DAB2IP: variants seen among roughly 807,000 people sequenced by gnomAD.
The protein encoded by DAB2IP is disabled homolog 2-interacting protein.
DAB2IP carries 28 observed loss-of-function variants against 107.2 expected under a neutral mutation model. The ratio of observed to expected loss-of-function variants is 0.26; its 90% CI spans 0.19 to 0.36. The LOEUF (loss-of-function observed/expected upper bound fraction) is 0.36, where lower values mean the gene tolerates loss of function less well. DAB2IP is among the 10% of genes least tolerant of loss of function. The pLI is 1.00. For synonymous variants in DAB2IP, 755 were observed against 706.4 expected, an observed-to-expected ratio of 1.07 and a Z score of -1.09; for missense variants, 1,400 against 1,644.7, an observed-to-expected ratio of 0.85 and a Z score of 2.57.
chr9:121,726,152 G>A lies in DAB2IP; in HGVS notation c.362+26694G>A, dbSNP rs185067226. On this transcript the variant is annotated intron_variant, in intron 3 of 15. Coordinates refer to ENST00000408936, the Ensembl canonical transcript of DAB2IP. ...GTTAGAACTTTCAGCCCACCCCACA[G>A]CCCCTGGGGCAGGGAGAGAGGCTGA... 2.4e-3 allele frequency among the ~76,000 whole-genome samples: 359 copies of A among 152,360 alleles called. 1 individual carries two copies. Among genetic ancestry groups the A allele is most frequent in the Middle Eastern group, 0.01 (3 of 294 alleles).
chr9:121,765,860 C>T lies in DAB2IP; in HGVS notation c.1461-634C>T, dbSNP rs567609862. Reference sequence around the variant, plus strand: ...GCCGGCTTGCTCCATCACCCTGGGGCAGTCACTACCTCCCTTTCCCTCCCC... The same window carrying T: ...GCCGGCTTGCTCCATCACCCTGGGGTAGTCACTACCTCCCTTTCCCTCCCC... On this transcript the variant is annotated intron_variant, in intron 8 of 15. Coordinates refer to ENST00000408936, the Ensembl canonical transcript of DAB2IP. Among the ~76,000 whole-genome samples the T allele has an allele frequency of 3.3e-5, 5 of 152,350 alleles. No homozygotes were observed. In the South Asian group the frequency reaches 1.0e-3, roughly 32 times the overall value.
At position 121,701,434 on chromosome 9, in the gene DAB2IP, G is replaced by A. The variant is rs1373314582; in HGVS notation, c.362+1976G>A. Among the ~76,000 whole-genome samples the A allele has an allele frequency of 1.3e-5, 2 of 152,212 alleles. No homozygotes were observed. Among genetic ancestry groups the A allele is most frequent in the Non-Finnish European group, 1.5e-5 (1 of 68,032 alleles). The stretch of plus-strand genomic sequence containing the variant: ...CCTGTTTCTGGAAACAGTAGGAAAC[G>A]GTAGCGGTTGGAGCAGAATGTCACT... On this transcript the variant is annotated intron_variant, in intron 3 of 15. Coordinates refer to ENST00000408936, the Ensembl canonical transcript of DAB2IP. The surrounding 1 kb of genome is among the most constrained non-coding windows in gnomAD (Gnocchi z 4.7).
At chr9:121,768,666 A>G (rs368899859) in intron 10 of DAB2IP, 33 bp downstream of exon 10, 723 of 1,610,618 alleles carry the variant, frequency 4.5e-4, no homozygotes, top group Middle Eastern at 3.0e-3. Context: ...GGTGGGGCCA[A>G]AAGCTGCCAT....
chr9:121,707,111 TAGA>T (rs1423263469), intron 3 of DAB2IP, among the ~76,000 whole-genome samples: 1 of 152,230 alleles, frequency 6.6e-6, no homozygotes, highest in East Asian at 1.9e-4. Context: ...TATCCCCTTG[TAGA>T]CCTCAGCTGA....
intron 1 of DAB2IP, among the ~76,000 whole-genome samples, chr9:121,623,385 G>A (rs1831540279): frequency 6.6e-6 from 1 of 152,170 alleles, no homozygotes; most frequent in Non-Finnish European, 1.5e-5. Context: ...TTTGGTGGGG[G>A]GAATAGGGTC....
At chr9:121,721,725 G>A (rs1432297542) in intron 3 of DAB2IP, among the ~76,000 whole-genome samples, 1 of 152,224 alleles carries the variant, frequency 6.6e-6, no homozygotes, top group Non-Finnish European at 1.5e-5. Flanking sequence ...AAACATGAAT[G>A]TTGACCAAAT....
In DAB2IP at chr9:121,633,588, ACT is replaced by A. The variant is rs2119020913; in HGVS notation, c.41-45087_41-45086del. Among the ~76,000 whole-genome samples, 1 of 151,654 alleles carries A rather than the reference ACT, an allele frequency of 6.6e-6. No individual in the cohort carries two copies. Among genetic ancestry groups the A allele is most frequent in the East Asian group, 1.9e-4 (1 of 5,142 alleles). ...TGGGCTGCTCTGGGAACTCGAGGAG[ACT>A]CTTTTCATTAGGCTTTTAAGACCTG... On this transcript the variant is annotated intron_variant, in intron 1 of 16. Transcript: ENST00000259371. The surrounding 1 kb of genome is among the most constrained non-coding windows in gnomAD (Gnocchi z 5.1).
At chr9:121,762,615 A>G (rs543368563) in intron 6 of DAB2IP, among the ~76,000 whole-genome samples, 61 of 152,312 alleles carry the variant, frequency 4.0e-4, no homozygotes, top group African/African-American at 1.4e-3. Flanking sequence ...TTTCTTGAGC[A>G]CAGATGCCTG....
chr9:121,738,537 G>C (rs1374380219), intron 3 of DAB2IP, among the ~76,000 whole-genome samples: 4 of 152,132 alleles, frequency 2.6e-5, no homozygotes, highest in African/African-American at 9.7e-5. Flanking sequence ...GCCTTGTTCA[G>C]ATCTAGCCTC....
At chr9:121,720,149 T>G (rs542981568) in intron 3 of DAB2IP, among the ~76,000 whole-genome samples, 2 of 152,224 alleles carry the variant, frequency 1.3e-5, no homozygotes, top group African/African-American at 2.4e-5. Flanking sequence ...GTGGGGCTCT[T>G]GTAAGACCTG....
Position 121,782,301 on chromosome 9 carries a change from G to A in DAB2IP, c.3403-30G>A. 1 of 1,604,038 alleles carries A rather than the reference G, an allele frequency of 6.2e-7. No homozygotes were observed. On this transcript the variant is annotated intron_variant, in intron 15 of 15. Transcript: ENST00000408936. This position sits in a 1 kb window ranked among gnomAD's most constrained non-coding sequence, Gnocchi z 6.1. ...CACAGCCCTAAGGAGCCTGTCCCAT[G>A]ACCCCCGCTCACATCCCCATTGTCC...
intron 4 of DAB2IP, 103 bp from the exon 5 acceptor site, chr9:121,758,795 C>T: frequency 1.0e-6 from 1 of 979,600 alleles, no homozygotes; most frequent in Non-Finnish European, 1.6e-6. Flanking sequence ...GTGATGCAGA[C>T]CTGATGGCCA....
chr9:121,638,629 A>G (rs970120965), intron 1 of DAB2IP, among the ~76,000 whole-genome samples: 13 of 152,198 alleles, frequency 8.5e-5, no homozygotes, highest in African/African-American at 2.9e-4. Flanking sequence ...AAGAGTGGCC[A>G]AAGGCCAGCA....
intron 1 of DAB2IP, among the ~76,000 whole-genome samples, chr9:121,621,104 C>T (rs1831446282): frequency 6.6e-6 from 1 of 152,120 alleles, no homozygotes. Context: ...TTTTTCCTAC[C>T]TGCAAGTCTG....
At chr9:121,704,766 C>T (rs946407043) in intron 3 of DAB2IP, among the ~76,000 whole-genome samples, 2 of 152,208 alleles carry the variant, frequency 1.3e-5, no homozygotes, top group Non-Finnish European at 2.9e-5. Flanking sequence ...CATAAGGATG[C>T]CCTGTATTTA....
intron 13 of DAB2IP, among the ~76,000 whole-genome samples, 198 bp from the exon 14 acceptor site, chr9:121,776,000 G>A (rs1031262017): frequency 6.6e-6 from 1 of 152,206 alleles, no homozygotes; most frequent in Non-Finnish European, 1.5e-5. Context: ...GCCCCACGGT[G>A]GGGCACAGGC....
intron 1 of DAB2IP, among the ~76,000 whole-genome samples, chr9:121,619,053 A>C (rs1831370714): frequency 1.3e-5 from 2 of 152,146 alleles, no homozygotes; most frequent in South Asian, 4.2e-4. Flanking sequence ...CTGACAGATA[A>C]ATTATTATGT....
intron 1 of DAB2IP, among the ~76,000 whole-genome samples, chr9:121,668,230 G>A (rs1440898032): frequency 7.0e-6 from 1 of 142,124 alleles, no homozygotes; most frequent in Non-Finnish European, 1.5e-5. Flanking sequence ...GTCTTGCTTT[G>A]TCGCTAGGCT....
Position 121,746,192 on chromosome 9 carries a change from G to C in DAB2IP, c.363-10821G>C, listed in dbSNP as rs546254801. On this transcript the variant is annotated intron_variant, in intron 3 of 15. Transcript: ENST00000408936. ...CCAGAGAAGTGCTGGCAGGAAGGGC[G>C]TGCGGGAAGGGACAGAATGCCCCGG... Among the ~76,000 whole-genome samples the C allele has an allele frequency of 7.2e-5, 11 of 152,120 alleles. No homozygotes were observed. The East Asian group carries it at 1.9e-3, about 27-fold the overall frequency.
Sources: gnomAD v4.1 joint callset for allele counts (sites outside exome capture counted in the v4.1 genomes callset) on GRCh38, gnomAD v4.1.1 for gene constraint, Gnocchi (gnomAD v3.1) non-coding constraint, MANE v1.5 for transcripts, NCBI Gene and HGNC (gene_info 2026-07-23, HGNC 2026-07-21) for gene names.